Variants in CLTCL1 observed in about 807,000 individuals in gnomAD.
CLTCL1 encodes the protein clathrin heavy chain 2.
CLTCL1 carries 159 observed loss-of-function variants against 190.0 expected under a neutral mutation model. That is an observed-to-expected ratio of 0.84 (90% confidence interval 0.74 to 0.95). The LOEUF (loss-of-function observed/expected upper bound fraction) is 0.95, where lower values mean the gene tolerates loss of function less well. CLTCL1 is among the 40% of genes least tolerant of loss of function. The pLI, the probability that CLTCL1 is intolerant of heterozygous loss-of-function variation, is 0.00. For missense variants in CLTCL1, 1,878 were observed against 2,033.4 expected, an observed-to-expected ratio of 0.92 and a Z score of 1.47; for synonymous variants, 752 against 769.6, an observed-to-expected ratio of 0.98 and a Z score of 0.38.
At chr22:19,288,007 A>G (rs916509786) in intron 1 of CLTCL1, among the ~76,000 whole-genome samples, 2 of 152,166 alleles carry the variant, frequency 1.3e-5, no homozygotes, top group Non-Finnish European at 2.9e-5. Flanking sequence ...TAAACAATTC[A>G]TAAGTTTTAA....
chr22:19,209,051 G>C lies in CLTCL1; in HGVS notation c.3313C>G (p.Pro1105Ala), dbSNP rs369687427. ...AYEFAERCNE[P>A]AVWSQLAQAQ... ...TGGGCCAGCTGACTCCACACAGCAGGCTCATTGCATCTCTCCGCAAACTCA... is the reference window on the plus strand; with the variant it reads ...TGGGCCAGCTGACTCCACACAGCAGCCTCATTGCATCTCTCCGCAAACTCA... The change falls in exon 21 of 33, where the codon CCT (proline) becomes GCT (alanine). Residue 1105 changes from proline (P) to alanine (A), a missense_variant. Coordinates refer to ENST00000427926, the MANE Select transcript of CLTCL1 (RefSeq NM_007098.4). 8.1e-6 allele frequency: 13 copies of C among 1,610,458 alleles called. No homozygotes were observed. In the East Asian group the frequency reaches 2.0e-4, roughly 25 times the overall value.
intron 19 of CLTCL1, among the ~76,000 whole-genome samples, chr22:19,214,936 C>T (rs540425973): frequency 3.9e-5 from 6 of 152,196 alleles, no homozygotes; most frequent in Admixed American, 2.0e-4. Flanking sequence ...GGATTACAGG[C>T]GTGAGCCACT....
At chr22:19,226,424 C>T (rs781799366) in intron 11 of CLTCL1, 41 bp from the exon 12 acceptor site, 6 of 1,609,686 alleles carry the variant, frequency 3.7e-6, no homozygotes, top group Admixed American at 3.3e-5. Context: ...TGATCAATGG[C>T]AATAACTTTT....
In CLTCL1 at chr22:19,236,808, A is replaced by G. The variant is rs148385804; in HGVS notation, c.796-939T>C. 1.8e-3 allele frequency among the ~76,000 whole-genome samples: 273 copies of G among 152,274 alleles called. 2 individuals are homozygous for G. The highest frequency in any genetic ancestry group is 6.1e-3 in the African/African-American group (254 of 41,558). Reference sequence around the variant, plus strand: ...GAAAAATAAATAATTAGTAGGTAACATATTAGTGGAAAATAGGCACTTTAA... The same window carrying G: ...GAAAAATAAATAATTAGTAGGTAACGTATTAGTGGAAAATAGGCACTTTAA... On this transcript the variant is annotated intron_variant, in intron 5 of 32. Coordinates refer to ENST00000427926, the MANE Select transcript of CLTCL1 (RefSeq NM_007098.4).
At chr22:19,281,533 A>G (rs2087715506) in intron 1 of CLTCL1, among the ~76,000 whole-genome samples, 1 of 152,212 alleles carries the variant, frequency 6.6e-6, no homozygotes, top group African/African-American at 2.4e-5. Flanking sequence ...ATTGGCCTCA[A>G]TAAAATTTGG....
At position 19,208,906 on chromosome 22, in the gene CLTCL1, G is replaced by C. The variant is rs1555944627; in HGVS notation, c.3442+16C>G. 3 of 1,589,704 alleles carry C rather than the reference G, an allele frequency of 1.9e-6. No homozygotes were observed. The highest frequency in any genetic ancestry group is 2.6e-6 in the Non-Finnish European group (3 of 1,166,920). ...TCAGTGAGATGCAGAGCCCTAGGGA[G>C]AGGGGACTCACTTACTGCTCCTGCT... is the stretch of plus-strand genomic sequence containing the variant. On this transcript the variant is annotated intron_variant, in intron 21 of 32. Coordinates refer to ENST00000427926, the MANE Select transcript of CLTCL1 (RefSeq NM_007098.4).
chr22:19,187,579 GCAGAGCTCC>G lies in CLTCL1; in HGVS notation c.4575_4583del (p.Glu1526_Cys1528del), dbSNP rs1569145203. On this transcript the variant is annotated inframe_deletion, in exon 29 of 33. Transcript: ENST00000427926. ...CAACCTTGTAGAGATGATCCTTCTT[GCAGAGCTCC>G]ACGCTCTGGGCCCACCAGTTATTGC... 1 of 1,612,318 alleles carries G rather than the reference GCAGAGCTCC, an allele frequency of 6.2e-7. No homozygotes were observed.
chr22:19,204,609 C>T lies in CLTCL1; in HGVS notation c.3601-3116G>A, dbSNP rs555402702. On this transcript the variant is annotated intron_variant, in intron 22 of 32. Transcript: ENST00000427926. ...CATCCATAGCCCCTACTCTGGCACA[C>T]AGCTAGCTGATGCTTAATAAAAGGT... 2.0e-5 allele frequency among the ~76,000 whole-genome samples: 3 copies of T among 152,348 alleles called. No individual in the cohort carries two copies. The South Asian group carries it at 6.2e-4, about 32-fold the overall frequency.
intron 1 of CLTCL1, among the ~76,000 whole-genome samples, chr22:19,284,308 T>C (rs2078750): frequency 0.22 from 32,938 of 152,146 alleles, 3,662 homozygotes; most frequent in African/African-American, 0.24. Context: ...GGTAAACAAA[T>C]AGTAAAACAA....
chr22:19,196,007 C>T (rs974262929), intron 26 of CLTCL1, among the ~76,000 whole-genome samples: 49 of 152,348 alleles, frequency 3.2e-4, no homozygotes, highest in Non-Finnish European at 4.3e-4. Flanking sequence ...CACAGGGCCA[C>T]GGCTGCATGC....
rs1555944025 is a variant in CLTCL1, at chr22:19,208,179, C to A, written c.3575G>T (p.Gly1192Val). 1.2e-6 allele frequency: 2 copies of A among 1,613,828 alleles called. No individual in the cohort carries two copies. The change falls in exon 22 of 33, where the codon GGA becomes GTA. Residue 1192 changes from glycine (G) to valine (V), a missense_variant. Coordinates refer to ENST00000427926, the MANE Select transcript of CLTCL1 (RefSeq NM_007098.4). ...RVSELEDFIN[G>V]PNNAHIQQVG... ...CTGCTGGATGTGGGCATTGTTGGGT[C>A]CATTAATAAAATCTTCTAGCTCAGA...
intron 31 of CLTCL1, among the ~76,000 whole-genome samples, 161 bp downstream of exon 31, chr22:19,180,570 C>T (rs1430270612): frequency 2.0e-5 from 3 of 152,290 alleles, no homozygotes; most frequent in East Asian, 3.9e-4. Context: ...GCCAACATTC[C>T]TGGGCGTACA....
rs2084069646 is a variant in CLTCL1 at position 19,179,904 on chromosome 22, T to C, written c.*86A>G. On this transcript the variant is annotated 3_prime_UTR_variant, in exon 33 of 33. Coordinates refer to ENST00000427926, the MANE Select transcript of CLTCL1 (RefSeq NM_007098.4). ...CACGCGGAAGTTGTACATTGGAGGC[T>C]GGCGAAGTTGGGAGCAGAGGCATAT... 7 of 456,476 alleles carry C rather than the reference T, an allele frequency of 1.5e-5. No homozygotes were observed. In the Admixed American group the frequency reaches 2.6e-4, roughly 17 times the overall value. The allele number at this position is 456,476 out of a possible 1,614,324, so 28.3% of individuals were successfully genotyped here. A position where few individuals can be genotyped will look rare whatever the true frequency, so the allele number is the denominator to read the frequency against.
rs1601519740 is a variant in CLTCL1 at position 19,207,886 on chromosome 22, T to G, written c.3600+268A>C. The G allele has an allele frequency of 1.9e-5, 12 of 636,376 alleles. No homozygotes were observed. The East Asian group carries it at 3.3e-4, about 17-fold the overall frequency. The allele number at this position is 636,376 out of a possible 1,614,324, so 39.4% of individuals were successfully genotyped here. On this transcript the variant is annotated intron_variant, in intron 22 of 32. Coordinates refer to ENST00000427926, the MANE Select transcript of CLTCL1 (RefSeq NM_007098.4). ...ATGGGACCATCTAGTTGCAGGAAAA[T>G]AAACTCAGGGCTCCCACTGAGTCTA...
intron 2 of CLTCL1, among the ~76,000 whole-genome samples, chr22:19,267,162 A>G (rs1371594768): frequency 6.6e-6 from 1 of 152,168 alleles, no homozygotes; most frequent in Non-Finnish European, 1.5e-5. Context: ...AAATTATTTT[A>G]TTTCTATATA....
At chr22:19,235,107 C>G (rs1391762997) in intron 6 of CLTCL1, among the ~76,000 whole-genome samples, 1 of 151,904 alleles carries the variant, frequency 6.6e-6, no homozygotes, top group Admixed American at 6.5e-5. Flanking sequence ...TAGCCTCAAG[C>G]AATCCTCCTG....
intron 3 of CLTCL1, among the ~76,000 whole-genome samples, chr22:19,244,366 T>C (rs1190358695): frequency 6.6e-6 from 1 of 152,208 alleles, no homozygotes; most frequent in Non-Finnish European, 1.5e-5. Context: ...TGATTCCACC[T>C]ATGAAATATC....
chr22:19,246,753 C>T (rs139797268), intron 3 of CLTCL1, among the ~76,000 whole-genome samples: 22 of 152,276 alleles, frequency 1.4e-4, no homozygotes, highest in African/African-American at 4.3e-4. Context: ...TATAACCATT[C>T]GAGTGGGTGT....
intron 19 of CLTCL1, 134 bp downstream of exon 19, chr22:19,215,977 A>C (rs1223915334): frequency 5.4e-6 from 4 of 743,942 alleles, no homozygotes; most frequent in Non-Finnish European, 8.7e-6. Context: ...GGTGGTAAGA[A>C]GATTGGCATG....
Sources: allele counts gnomAD v4.1 joint callset (sites outside exome capture counted in the v4.1 genomes callset), GRCh38; gene constraint gnomAD v4.1.1; transcripts MANE v1.5; gene names NCBI Gene and HGNC (gene_info 2026-07-23, HGNC 2026-07-21).